Variants in CGGBP1 observed in about 807,000 individuals in gnomAD.
CGGBP1 encodes CGG triplet repeat-binding protein 1.
CGGBP1 carries 4 observed loss-of-function variants against 11.4 expected under a neutral mutation model. That is an observed-to-expected ratio of 0.35 (90% CI 0.17 to 0.80). The LOEUF is 0.80. CGGBP1 is among the 30% of genes least tolerant of loss of function. The probability of loss-of-function intolerance (pLI) is 0.52; values close to 1 mark genes in which losing one functional copy is unlikely to be tolerated. For synonymous variants in CGGBP1, 76 were observed against 74.1 expected (o/e 1.03, Z -0.13); for missense variants, 135 against 202.1 (o/e 0.67, Z 2.01).
At chr3:88,081,538 AT>A (rs1432505405) in intron 2 of CGGBP1, among the ~76,000 whole-genome samples, 1 of 152,158 alleles carries the variant, frequency 6.6e-6, no homozygotes, top group Non-Finnish European at 1.5e-5. Context: ...CATTGCTAAC[AT>A]TTATTTAATT....
intron 2 of CGGBP1, among the ~76,000 whole-genome samples, chr3:88,089,814 T>C (rs1392393664): frequency 6.6e-6 from 1 of 152,188 alleles, no homozygotes; most frequent in African/African-American, 2.4e-5. Flanking sequence ...GTTGAGAATG[T>C]CATAAGATTT....
At chr3:88,140,523 A>C (rs1479506352) in intron 2 of CGGBP1, 1 of 1,613,776 alleles carries the variant, frequency 6.2e-7, no homozygotes, top group Non-Finnish European at 8.5e-7. Flanking sequence ...CACTGTTTCA[A>C]ATATAAGCTT....
chr3:88,059,299 G>C (rs1422308252), upstream of CGGBP1: 2 of 1,532,938 alleles, frequency 1.3e-6, no homozygotes, highest in South Asian at 1.2e-5. Context: ...GGGCTGGTAC[G>C]CGCTGGGCGG....
At chr3:88,076,265 G>A (rs1019731854) in intron 2 of CGGBP1, among the ~76,000 whole-genome samples, 2 of 151,946 alleles carry the variant, frequency 1.3e-5, no homozygotes, top group African/African-American at 4.8e-5. Flanking sequence ...TTGGATCTCC[G>A]GTCTGGTTCA....
At chr3:88,129,344 A>AT (rs1321329016) in intron 2 of CGGBP1, among the ~76,000 whole-genome samples, 2 of 151,002 alleles carry the variant, frequency 1.3e-5, no homozygotes, top group African/African-American at 2.4e-5. Flanking sequence ...AAAAAAAAAA[A>AT]ACCCAAGAAG....
At chr3:88,112,086 C>T (rs1024738823) in intron 2 of CGGBP1, among the ~76,000 whole-genome samples, 6 of 151,706 alleles carry the variant, frequency 4.0e-5, no homozygotes, top group Non-Finnish European at 3.0e-5. Context: ...ATTGGTTTTA[C>T]GTTTTTTGGT....
At chr3:88,068,405 TAGAC>T (rs929688979) in intron 2 of CGGBP1, among the ~76,000 whole-genome samples, 7 of 152,164 alleles carry the variant, frequency 4.6e-5, no homozygotes, top group East Asian at 1.9e-4. Flanking sequence ...TACATATTAA[TAGAC>T]AGGTGCACAA....
intron 2 of CGGBP1, chr3:88,134,961 T>C (rs888074793): frequency 1.9e-4 from 159 of 820,400 alleles, no homozygotes; most frequent in Non-Finnish European, 2.0e-4. Flanking sequence ...TACACTCATA[T>C]ACATCCCAGC....
chr3:88,138,761 C>T (rs1387560614), intron 2 of CGGBP1: 15 of 1,231,842 alleles, frequency 1.2e-5, no homozygotes, highest in East Asian at 3.2e-5. Flanking sequence ...CTCTACAACT[C>T]GACCTTCATG....
chr3:88,068,264 G>C (rs1707314288), intron 2 of CGGBP1, among the ~76,000 whole-genome samples: 1 of 152,018 alleles, frequency 6.6e-6, no homozygotes, highest in African/African-American at 2.4e-5. Flanking sequence ...CATTCATTCA[G>C]GATTAGGTGT....
intron 2 of CGGBP1, among the ~76,000 whole-genome samples, chr3:88,106,959 A>T (rs951983421): frequency 2.0e-5 from 3 of 152,056 alleles, no homozygotes; most frequent in Admixed American, 2.0e-4. Flanking sequence ...CTATTGTTTC[A>T]TTAGCCTATT....
intron 2 of CGGBP1, among the ~76,000 whole-genome samples, chr3:88,074,120 A>C (rs558452012): frequency 1.3e-5 from 2 of 152,144 alleles, no homozygotes. Flanking sequence ...TTGAGTTCAC[A>C]AAGAAAAATT....
chr3:88,128,056 G>A (rs1311395171), intron 2 of CGGBP1, among the ~76,000 whole-genome samples: 3 of 152,076 alleles, frequency 2.0e-5, no homozygotes, highest in African/African-American at 7.2e-5. Context: ...TCCAGTTCCT[G>A]CTCTGCCACT....
intron 2 of CGGBP1, among the ~76,000 whole-genome samples, chr3:88,105,654 A>G (rs764567181): frequency 2.6e-5 from 4 of 152,156 alleles, no homozygotes; most frequent in South Asian, 2.1e-4. Flanking sequence ...CTGGCCTTGT[A>G]TATCTCTGAC....
At chr3:88,079,241 T>C (rs772752938) in intron 2 of CGGBP1, among the ~76,000 whole-genome samples, 11 of 152,084 alleles carry the variant, frequency 7.2e-5, no homozygotes, top group Non-Finnish European at 1.6e-4. Flanking sequence ...TGTTCCATAT[T>C]GGGAGCTGTG....
intron 2 of CGGBP1, among the ~76,000 whole-genome samples, chr3:88,068,707 G>T (rs1344662276): frequency 1.3e-5 from 2 of 152,098 alleles, no homozygotes; most frequent in Non-Finnish European, 2.9e-5. Context: ...ATTGTGATAA[G>T]TTGTTTACCT....
intron 1 of CGGBP1, chr3:88,141,922 G>A: frequency 3.2e-6 from 1 of 309,778 alleles, no homozygotes. Flanking sequence ...AGCATGTTCA[G>A]TTTCGCTTAT....
intron 1 of CGGBP1, chr3:88,141,608 A>T (rs377244287): frequency 7.0e-7 from 1 of 1,433,876 alleles, no homozygotes. Flanking sequence ...TCGAATGTCA[A>T]TAAAACTTGC....
intron 2 of CGGBP1, chr3:88,095,623 T>G (rs1306314187): frequency 4.3e-5 from 22 of 515,170 alleles, no homozygotes; most frequent in Non-Finnish European, 7.8e-6. Flanking sequence ...GGTTCTAGTC[T>G]TATCTCGAAG....
Sources: allele counts gnomAD v4.1 joint callset (sites outside exome capture counted in the v4.1 genomes callset), GRCh38; gene constraint gnomAD v4.1.1; transcripts MANE v1.5; gene names NCBI Gene and HGNC (gene_info 2026-07-23, HGNC 2026-07-21).